CTNND2: variants seen among roughly 807,000 people sequenced by gnomAD.
CTNND2 encodes the protein catenin delta-2.
A neutral mutation model predicts 144.4 loss-of-function variants in CTNND2; 22 were observed. That is an observed-to-expected ratio of 0.15 (90% CI 0.11 to 0.22). The LOEUF (loss-of-function observed/expected upper bound fraction) is 0.22, where lower values mean the gene tolerates loss of function less well. Ranked by LOEUF, CTNND2 falls within the 10% of genes least tolerant of loss-of-function variation. The pLI, the probability that CTNND2 is intolerant of heterozygous loss-of-function variation, is 1.00. For synonymous variants in CTNND2, 751 were observed against 695.6 expected, an observed-to-expected ratio of 1.08 and a Z score of -1.25; for missense variants, 1,353 against 1,618.8, an observed-to-expected ratio of 0.84 and a Z score of 2.82.
chr5:11,588,843 C>T, intron 2 of CTNND2: 1 of 985,388 alleles, frequency 1.0e-6, no homozygotes, highest in African/African-American at 1.7e-5. Flanking sequence ...CCTCCTTCCC[C>T]AGGCTGTGGA....
chr5:11,186,269 G>A (rs1318333638), intron 11 of CTNND2, among the ~76,000 whole-genome samples: 1 of 152,222 alleles, frequency 6.6e-6, no homozygotes, highest in African/African-American at 2.4e-5. Flanking sequence ...TCGGTGTACA[G>A]AAGGTTCTGA....
chr5:11,374,955 T>C (rs979060773), intron 7 of CTNND2, among the ~76,000 whole-genome samples: 1 of 152,018 alleles, frequency 6.6e-6, no homozygotes, highest in South Asian at 2.1e-4. Context: ...GGGGTACAGA[T>C]GAACTTTTCA....
chr5:11,671,906 G>A (rs151181172), intron 2 of CTNND2, among the ~76,000 whole-genome samples: 3 of 152,260 alleles, frequency 2.0e-5, no homozygotes, highest in Non-Finnish European at 4.4e-5. Flanking sequence ...TTCTCCCCAT[G>A]TTCGTGGATT....
At chr5:11,404,082 A>G (rs972401875) in intron 5 of CTNND2, among the ~76,000 whole-genome samples, 1 of 152,200 alleles carries the variant, frequency 6.6e-6, no homozygotes, top group African/African-American at 2.4e-5. Context: ...AATGTTTCCA[A>G]CAGAAGAATA....
Position 11,412,028 on chromosome 5 carries a change from A to C in CTNND2, c.322+7T>G. On this transcript the variant is annotated splice_region_variant and intron_variant, in intron 4 of 21. Transcript: ENST00000304623. ...GTGTAAGTGTTCATCAATAAGATAGACATTACCTTGTGACTGCCACTGAAA... is the reference window on the plus strand; with the variant it reads ...GTGTAAGTGTTCATCAATAAGATAGCCATTACCTTGTGACTGCCACTGAAA... The C allele has an allele frequency of 3.0e-5, 49 of 1,607,708 alleles. No homozygotes were observed. The highest frequency in any genetic ancestry group is 4.1e-5 in the Non-Finnish European group (48 of 1,174,316).
At chr5:11,122,555 C>T (rs1241560167) in intron 12 of CTNND2, among the ~76,000 whole-genome samples, 1 of 151,978 alleles carries the variant, frequency 6.6e-6, no homozygotes, top group Non-Finnish European at 1.5e-5. Context: ...GTCCTTGAGC[C>T]CTGGGTCCAG....
At chr5:11,068,955 G>C (rs1466964480) in intron 16 of CTNND2, among the ~76,000 whole-genome samples, 1 of 152,164 alleles carries the variant, frequency 6.6e-6, no homozygotes, top group Non-Finnish European at 1.5e-5. Flanking sequence ...GAATCTGCTA[G>C]ACGACAGAAC....
At chr5:11,867,343 A>G (rs1176249273) in intron 1 of CTNND2, among the ~76,000 whole-genome samples, 1 of 152,194 alleles carries the variant, frequency 6.6e-6, no homozygotes, top group African/African-American at 2.4e-5. Context: ...TTTTGTTTTT[A>G]CTTGGGGGAA....
chr5:11,672,935 C>A (rs1406234329), intron 2 of CTNND2, among the ~76,000 whole-genome samples: 2 of 152,124 alleles, frequency 1.3e-5, no homozygotes, highest in Non-Finnish European at 2.9e-5. Context: ...GTGAGCTGCA[C>A]CCTGTCCAAC....
chr5:11,353,484 C>T (rs2149752038), intron 8 of CTNND2, among the ~76,000 whole-genome samples: 1 of 152,308 alleles, frequency 6.6e-6, no homozygotes, highest in East Asian at 1.9e-4. Flanking sequence ...GCTTAAATCC[C>T]TATTACCTAG....
chr5:11,177,414 T>C (rs1760583212), intron 11 of CTNND2, among the ~76,000 whole-genome samples: 2 of 152,284 alleles, frequency 1.3e-5, no homozygotes, highest in Non-Finnish European at 2.9e-5. Flanking sequence ...AGGACACCCA[T>C]TGTTCTTAGA....
In CTNND2 at chr5:11,856,273, C is replaced by T. The variant is rs118130136; in HGVS notation, c.37+47544G>A. On this transcript the variant is annotated intron_variant, in intron 1 of 21. Coordinates refer to ENST00000304623, the MANE Select transcript of CTNND2 (RefSeq NM_001332.4). ...GCAAAGTTCTGGAATATTGACTACA[C>T]AAGGCAAGATCAGAACAGGAGTTCA... Among the ~76,000 whole-genome samples, 237 of 152,272 alleles carry T rather than the reference C, an allele frequency of 1.6e-3. 3 individuals carry two copies. The East Asian group carries it at 0.038, about 24-fold the overall frequency.
intron 12 of CTNND2, among the ~76,000 whole-genome samples, chr5:11,123,807 G>T (rs1321232070): frequency 1.3e-5 from 2 of 152,174 alleles, no homozygotes; most frequent in African/African-American, 4.8e-5. Flanking sequence ...AATGTGGAAA[G>T]GTAGAGTACT....
intron 2 of CTNND2, among the ~76,000 whole-genome samples, chr5:11,626,240 C>T (rs1425331997): frequency 6.6e-6 from 1 of 152,140 alleles, no homozygotes; most frequent in African/African-American, 2.4e-5. Flanking sequence ...TCTACCTTCC[C>T]CTTAATGCTC....
chr5:11,625,913 A>G (rs1046672396), intron 2 of CTNND2, among the ~76,000 whole-genome samples: 1 of 152,180 alleles, frequency 6.6e-6, no homozygotes, highest in Non-Finnish European at 1.5e-5. Context: ...ATTTAATGCC[A>G]TCGGTGTTTG....
At chr5:11,361,302 G>A (rs1756425869) in intron 8 of CTNND2, among the ~76,000 whole-genome samples, 1 of 152,088 alleles carries the variant, frequency 6.6e-6, no homozygotes, top group South Asian at 2.1e-4. Flanking sequence ...ATTACAGATG[G>A]GAGCTACTGC....
At chr5:11,717,257 T>G (rs897149537) in intron 2 of CTNND2, among the ~76,000 whole-genome samples, 4 of 152,050 alleles carry the variant, frequency 2.6e-5, no homozygotes, top group African/African-American at 9.7e-5. Context: ...CTCACTGTAT[T>G]AGTTTGTTCT....
intron 3 of CTNND2, among the ~76,000 whole-genome samples, chr5:11,534,125 T>C (rs1025818675): frequency 6.6e-6 from 1 of 152,216 alleles, no homozygotes; most frequent in African/African-American, 2.4e-5. Context: ...GTTTAGATCA[T>C]TTATATTTTG....
At position 11,748,576 on chromosome 5, in the gene CTNND2, T is replaced by A. The variant is rs151032724; in HGVS notation, c.38-16304A>T. Reference sequence around the variant, plus strand: ...TTTTCTGTTTTCTTTTAATTTACAATTTGTACAAATCATTACCCTGTCAAG... The same window carrying A: ...TTTTCTGTTTTCTTTTAATTTACAAATTGTACAAATCATTACCCTGTCAAG... On this transcript the variant is annotated intron_variant, in intron 1 of 21. Coordinates refer to ENST00000304623, the MANE Select transcript of CTNND2 (RefSeq NM_001332.4). Among the ~76,000 whole-genome samples, 489 of 152,208 alleles carry A rather than the reference T, an allele frequency of 3.2e-3. 7 individuals are homozygous for A. The highest frequency in any genetic ancestry group is 0.011 in the African/African-American group (473 of 41,560).
Sources: gnomAD v4.1 joint callset for allele counts (sites outside exome capture counted in the v4.1 genomes callset) on GRCh38, gnomAD v4.1.1 for gene constraint, MANE v1.5 for transcripts, NCBI Gene and HGNC (gene_info 2026-07-23, HGNC 2026-07-21) for gene names.